The following PCDHA3 variants were observed in gnomAD, a reference collection of about 807,000 sequenced individuals.
PCDHA3 encodes the protein protocadherin alpha-3.
A neutral mutation model predicts 62.2 loss-of-function variants in PCDHA3; 41 were observed. That is an observed-to-expected ratio of 0.66 (90% CI 0.51 to 0.86). The LOEUF is 0.86. PCDHA3 is among the 40% of genes least tolerant of loss of function. PCDHA3 has a pLI of 0.00. For synonymous variants in PCDHA3, 640 were observed against 555.4 expected (o/e 1.15, Z -2.14); for missense variants, 1,304 against 1,241.2 (o/e 1.05, Z -0.76).
Position 140,843,369 on chromosome 5 carries a change from C to G in PCDHA3, c.2394+39778C>G, listed in dbSNP as rs2150358449. 8 of 1,596,038 alleles carry G rather than the reference C, an allele frequency of 5.0e-6. 2 individuals are homozygous for G. The highest frequency in any genetic ancestry group is 2.2e-5 in the South Asian group (2 of 90,512). On this transcript the variant is annotated intron_variant, in intron 1 of 3. Transcript: ENST00000522353. ...GCTCCAAAAGCGTCATCGAGGCAGT[C>G]GGCTGGCGTTTTGGGTCCGGAAGCG... is the stretch of plus-strand genomic sequence containing the variant.
intron 1 of PCDHA3, among the ~76,000 whole-genome samples, chr5:140,875,029 T>C (rs1288139866): frequency 6.6e-6 from 1 of 152,256 alleles, no homozygotes; most frequent in Non-Finnish European, 1.5e-5. Flanking sequence ...TGGCCTACTG[T>C]ATTTGAAAGA....
intron 1 of PCDHA3, chr5:140,809,532 G>C: frequency 1.2e-6 from 2 of 1,613,958 alleles, no homozygotes; most frequent in Non-Finnish European, 1.7e-6. Context: ...TCTAGGGACA[G>C]AGAAGATCAG....
At chr5:140,808,483 G>A (rs1412619146) in intron 1 of PCDHA3, 4 of 1,614,152 alleles carry the variant, frequency 2.5e-6, no homozygotes, top group Non-Finnish European at 3.4e-6. Flanking sequence ...ACGGGGGCTC[G>A]CCTTCGCTGT....
At position 140,843,135 on chromosome 5, in the gene PCDHA3, C is replaced by T. The variant is rs2150353649; in HGVS notation, c.2394+39544C>T. 5 of 1,596,024 alleles carry T rather than the reference C, an allele frequency of 3.1e-6. No individual in the cohort carries two copies. The highest frequency in any genetic ancestry group is 3.4e-6 in the Non-Finnish European group (4 of 1,165,590). On this transcript the variant is annotated intron_variant, in intron 1 of 3. Transcript: ENST00000522353. ...GTGGACGCCGACTCGGGCTACAACG[C>T]GTGGCTTTCGTATGAGCTGCAGCCA...
chr5:140,840,691 C>T (rs886762733), intron 1 of PCDHA3, among the ~76,000 whole-genome samples: 1 of 151,924 alleles, frequency 6.6e-6, no homozygotes, highest in Non-Finnish European at 1.5e-5. Context: ...GTAAATAAAA[C>T]GGTTCAGGCA....
At chr5:140,884,977 A>C (rs782168505) in intron 1 of PCDHA3, among the ~76,000 whole-genome samples, 19 of 152,222 alleles carry the variant, frequency 1.2e-4, no homozygotes, top group Admixed American at 5.2e-4. Context: ...GAGAACTTAA[A>C]CATTTAGAAA....
chr5:140,902,885 T>C (rs2069815301), intron 1 of PCDHA3, among the ~76,000 whole-genome samples: 1 of 152,238 alleles, frequency 6.6e-6, no homozygotes, highest in Admixed American at 6.5e-5. Context: ...CTGCAAAAGC[T>C]ATTATTTTAT....
chr5:140,808,191 G>A lies in PCDHA3; in HGVS notation c.2394+4600G>A, dbSNP rs782610577. ...CAGCTCCCACTTTCTGGCCATTGTAGAGTTATTGTGGAAGTAGAAGACAAC... is the reference window on the plus strand; with the variant it reads ...CAGCTCCCACTTTCTGGCCATTGTAAAGTTATTGTGGAAGTAGAAGACAAC... On this transcript the variant is annotated intron_variant, in intron 1 of 3. Coordinates refer to ENST00000522353, the MANE Select transcript of PCDHA3 (RefSeq NM_018906.3). 6.2e-6 allele frequency: 10 copies of A among 1,614,230 alleles called. No homozygotes were observed. In the South Asian group the frequency reaches 8.8e-5, roughly 14 times the overall value.
intron 1 of PCDHA3, chr5:140,876,573 C>T (rs2056433061): frequency 6.2e-7 from 1 of 1,614,152 alleles, no homozygotes; most frequent in South Asian, 1.1e-5. Context: ...AGGTGGGTAC[C>T]GTCATTGCCC....
intron 1 of PCDHA3, among the ~76,000 whole-genome samples, chr5:140,885,916 T>C (rs2060771663): frequency 1.3e-5 from 2 of 152,202 alleles, no homozygotes; most frequent in Admixed American, 1.3e-4. Flanking sequence ...CTTATAGATA[T>C]TAACTGTTTA....
chr5:140,993,293 A>T (rs1445204823), intron 3 of PCDHA3, among the ~76,000 whole-genome samples: 1 of 152,062 alleles, frequency 6.6e-6, no homozygotes, highest in Non-Finnish European at 1.5e-5. Context: ...CAGGGTCACA[A>T]CCTTGCCTCC....
chr5:140,922,784 C>G (rs1399042980), intron 1 of PCDHA3, among the ~76,000 whole-genome samples: 1 of 152,140 alleles, frequency 6.6e-6, no homozygotes, highest in Non-Finnish European at 1.5e-5. Context: ...GGAGAGAAAA[C>G]TGTAGCTTTG....
In PCDHA3 at chr5:140,943,140, C is replaced by CCCAGCTA. The variant is rs377502817; in HGVS notation, c.2395-35807_2395-35801dup. 5.8e-3 allele frequency among the ~76,000 whole-genome samples: 878 copies of CCCAGCTA among 151,552 alleles called. 7 individuals are homozygous for CCCAGCTA. The highest frequency in any genetic ancestry group is 0.021 in the African/African-American group (851 of 41,302). On this transcript the variant is annotated intron_variant, in intron 1 of 3. Transcript: ENST00000522353. ...AGGTGTGGTAGTGGGTGCCTGTAGT[C>CCCAGCTA]CCAGCTACTCTGGAGGCTGAGGCAG...
At chr5:140,926,494 C>T (rs565938693) in intron 1 of PCDHA3, 46 of 181,758 alleles carry the variant, frequency 2.5e-4, no homozygotes, top group African/African-American at 1.0e-3. Flanking sequence ...GTGTTAGTGT[C>T]TCGGGGCGTC....
intron 1 of PCDHA3, among the ~76,000 whole-genome samples, chr5:140,941,193 TTCTTTCTTC>T (rs1563183581): frequency 8.6e-6 from 1 of 116,638 alleles, no homozygotes; most frequent in Non-Finnish European, 1.8e-5. Flanking sequence ...TTCTTTTTTT[TTCTTTCTTC>T]CTTTCTTTCT....
At position 140,803,224 on chromosome 5, in the gene PCDHA3, C is replaced by T; in HGVS notation, c.2027C>T (p.Pro676Leu). The change falls in exon 1 of 4, where the codon CCC becomes CTC. Residue 676 changes from proline (P) to leucine (L), a missense_variant. Coordinates refer to ENST00000522353, the MANE Select transcript of PCDHA3 (RefSeq NM_018906.3). The stretch of plus-strand genomic sequence containing the variant: ...TCGCTGGTGGAGAGTGGCCAGGCAC[C>T]CAAGGCCTCGTCCCAGGCGTCCGCT... ...LVSLVESGQA[P>L]KASSQASAGA... The T allele has an allele frequency of 6.2e-7, 1 of 1,613,848 alleles. No individual in the cohort carries two copies. Among genetic ancestry groups the T allele is most frequent in the Non-Finnish European group, 8.5e-7 (1 of 1,179,944 alleles).
At chr5:140,906,693 G>T (rs887867103) in intron 1 of PCDHA3, among the ~76,000 whole-genome samples, 3 of 152,082 alleles carry the variant, frequency 2.0e-5, no homozygotes, top group African/African-American at 7.2e-5. Flanking sequence ...GAAGGATCTG[G>T]GCCATTTGTA....
intron 1 of PCDHA3, among the ~76,000 whole-genome samples, chr5:140,872,428 G>C (rs2053656212): frequency 6.6e-6 from 1 of 151,990 alleles, no homozygotes; most frequent in African/African-American, 2.4e-5. Context: ...AGAGTTCGAG[G>C]CCTGCCTGGA....
intron 3 of PCDHA3, among the ~76,000 whole-genome samples, chr5:141,002,901 G>C (rs2098101392): frequency 6.6e-6 from 1 of 152,224 alleles, no homozygotes; most frequent in Admixed American, 6.5e-5. Flanking sequence ...GCAAGATGAA[G>C]AGAAGATCAG....
Sources: allele counts gnomAD v4.1 joint callset (sites outside exome capture counted in the v4.1 genomes callset), GRCh38; gene constraint gnomAD v4.1.1; transcripts MANE v1.5; gene names NCBI Gene and HGNC (gene_info 2026-07-23, HGNC 2026-07-21).